The following GRID1 variants were observed in gnomAD, a reference collection of about 807,000 sequenced individuals.
GRID1 encodes glutamate receptor ionotropic, delta-1.
A neutral mutation model predicts 98.0 loss-of-function variants in GRID1; 28 were observed. The ratio of observed to expected loss-of-function variants is 0.29; its 90% CI spans 0.21 to 0.39. The LOEUF is 0.39. Ranked by LOEUF, GRID1 falls within the 10% of genes least tolerant of loss-of-function variation. GRID1 has a pLI of 1.00. For missense variants in GRID1, 1,111 were observed against 1,340.5 expected (o/e 0.83, Z 2.67); for synonymous variants, 553 against 538.5 (o/e 1.03, Z -0.37).
At chr10:85,730,681 T>C (rs57003705) in intron 8 of GRID1, among the ~76,000 whole-genome samples, 9,123 of 152,234 alleles carry the variant, frequency 0.06, 521 homozygotes, top group African/African-American at 0.15. Flanking sequence ...GGACTAGAGA[T>C]GGATATTTTA....
intron 2 of GRID1, among the ~76,000 whole-genome samples, chr10:86,215,630 A>G (rs950391324): frequency 6.6e-6 from 1 of 152,104 alleles, no homozygotes. Flanking sequence ...CAACTGAGCA[A>G]TGGGGCTTCC....
chr10:85,679,866 G>A (rs1211989883), intron 12 of GRID1, among the ~76,000 whole-genome samples: 1 of 152,172 alleles, frequency 6.6e-6, no homozygotes, highest in Non-Finnish European at 1.5e-5. Flanking sequence ...CCCTGAGGCA[G>A]CCCCACCCCC....
chr10:86,217,672 C>T (rs967917275), intron 2 of GRID1, among the ~76,000 whole-genome samples: 1 of 152,160 alleles, frequency 6.6e-6, no homozygotes, highest in Non-Finnish European at 1.5e-5. Context: ...AGCAACACCT[C>T]GTAAGCAACA....
Position 85,599,764 on chromosome 10 carries a change from C to T in GRID1, c.*2509G>A, listed in dbSNP as rs1353039696. Reference sequence around the variant, plus strand: ...ACTTGCTTGAATATCAATCATTTCCCCTCATGCCAAGGGTAGAAAATTCTA... The same window carrying T: ...ACTTGCTTGAATATCAATCATTTCCTCTCATGCCAAGGGTAGAAAATTCTA... On this transcript the variant is annotated 3_prime_UTR_variant, in exon 16 of 16. Transcript: ENST00000327946. 4 of 106,906 alleles carry T rather than the reference C, an allele frequency of 3.7e-5. No individual in the cohort carries two copies. Among genetic ancestry groups the T allele is most frequent in the African/African-American group, 1.9e-4 (4 of 21,040 alleles). The allele number at this position is 106,906 out of a possible 1,614,324, so 6.6% of individuals were successfully genotyped here.
intron 5 of GRID1, among the ~76,000 whole-genome samples, chr10:85,902,676 C>T (rs1841405705): frequency 6.6e-6 from 1 of 152,184 alleles, no homozygotes; most frequent in Non-Finnish European, 1.5e-5. Context: ...CGAAGTCACT[C>T]AGATCTCAAG....
At chr10:86,299,752 G>A in intron 2 of GRID1, among the ~76,000 whole-genome samples, 1 of 152,032 alleles carries the variant, frequency 6.6e-6, no homozygotes, top group East Asian at 1.9e-4. Context: ...AGAGTCAAGG[G>A]CCCATGAACC....
intron 5 of GRID1, among the ~76,000 whole-genome samples, chr10:85,907,174 CAAT>C (rs1471391958): frequency 6.6e-6 from 1 of 152,178 alleles, no homozygotes; most frequent in Non-Finnish European, 1.5e-5. Context: ...TGCAATGGCA[CAAT>C]CTCGGCTCAC....
intron 2 of GRID1, among the ~76,000 whole-genome samples, chr10:86,342,821 G>A (rs1003563005): frequency 6.6e-6 from 1 of 152,250 alleles, no homozygotes; most frequent in Non-Finnish European, 1.5e-5. Flanking sequence ...GCCCATTCCG[G>A]AGAAGGGCTG....
chr10:86,081,073 G>A (rs1052524427), intron 4 of GRID1, among the ~76,000 whole-genome samples: 1 of 152,170 alleles, frequency 6.6e-6, no homozygotes, highest in Admixed American at 6.5e-5. Context: ...GCTGCAGAGG[G>A]GTTCCTGAGA....
chr10:85,958,327 G>A (rs1357561362), intron 4 of GRID1, among the ~76,000 whole-genome samples: 1 of 152,208 alleles, frequency 6.6e-6, no homozygotes, highest in East Asian at 1.9e-4. Flanking sequence ...GAACCCATAT[G>A]AACACACTAA....
intron 14 of GRID1, among the ~76,000 whole-genome samples, chr10:85,618,771 T>A (rs539400851): frequency 6.6e-6 from 1 of 151,958 alleles, no homozygotes; most frequent in East Asian, 1.9e-4. Flanking sequence ...TGCTTGGAGA[T>A]CCAGCAGCCA....
At chr10:86,250,569 C>A (rs909981817) in intron 2 of GRID1, among the ~76,000 whole-genome samples, 1 of 152,184 alleles carries the variant, frequency 6.6e-6, no homozygotes, top group East Asian at 1.9e-4. Flanking sequence ...GGGGGGCAGC[C>A]CCCGCCCGGC....
At chr10:86,261,808 G>A (rs1847020024) in intron 2 of GRID1, among the ~76,000 whole-genome samples, 1 of 152,150 alleles carries the variant, frequency 6.6e-6, no homozygotes, top group Non-Finnish European at 1.5e-5. Flanking sequence ...CCAGCATCCA[G>A]GTCATCCTGC....
intron 3 of GRID1, among the ~76,000 whole-genome samples, chr10:86,198,524 G>A (rs902286514): frequency 1.2e-4 from 19 of 152,114 alleles, no homozygotes; most frequent in African/African-American, 4.3e-4. Context: ...CACGCGCCAG[G>A]TACTGAGCTA....
chr10:85,789,802 C>T (rs1422751444), intron 8 of GRID1, among the ~76,000 whole-genome samples: 1 of 152,092 alleles, frequency 6.6e-6, no homozygotes, highest in African/African-American at 2.4e-5. Flanking sequence ...CCTGAACATC[C>T]CCACACTGTG....
chr10:85,711,627 T>C (rs1393051007), intron 12 of GRID1, among the ~76,000 whole-genome samples: 1 of 151,906 alleles, frequency 6.6e-6, no homozygotes, highest in African/African-American at 2.4e-5. Context: ...ATAGGTTTTA[T>C]GTTATGTATA....
At chr10:85,963,581 C>T (rs370434104) in intron 4 of GRID1, among the ~76,000 whole-genome samples, 79 of 152,308 alleles carry the variant, frequency 5.2e-4, no homozygotes, top group African/African-American at 1.7e-3. Flanking sequence ...ACTCTTACCA[C>T]GCCCAACCTG....
intron 2 of GRID1, among the ~76,000 whole-genome samples, chr10:86,279,161 T>C (rs1416860939): frequency 6.6e-6 from 1 of 152,152 alleles, no homozygotes; most frequent in East Asian, 1.9e-4. Context: ...TCTTGCCCTC[T>C]TTCCACCATG....
intron 2 of GRID1, among the ~76,000 whole-genome samples, chr10:86,219,790 CT>C (rs1846227572): frequency 6.6e-6 from 1 of 152,254 alleles, no homozygotes; most frequent in Non-Finnish European, 1.5e-5. Context: ...CTCCAGGGGA[CT>C]GTGAACAGAA....
Sources: allele counts gnomAD v4.1 joint callset (sites outside exome capture counted in the v4.1 genomes callset), GRCh38; gene constraint gnomAD v4.1.1; transcripts MANE v1.5; gene names NCBI Gene and HGNC (gene_info 2026-07-23, HGNC 2026-07-21).